NUDT5: variants seen among roughly 807,000 people sequenced by gnomAD.
NUDT5 encodes nudix hydrolase 5.
NUDT5 carries 21 observed loss-of-function variants against 34.1 expected under a neutral mutation model. The observed-to-expected ratio is 0.62, with a 90% CI of 0.44 to 0.89. NUDT5 has a LOEUF of 0.89. Among genes scored for constraint, NUDT5 ranks in the 40% least tolerant of loss-of-function variants. The pLI, the probability that NUDT5 is intolerant of heterozygous loss-of-function variation, is 0.00. For synonymous variants in NUDT5, 85 were observed against 97.6 expected (o/e 0.87, Z 0.76); for missense variants, 249 against 274.8 (o/e 0.91, Z 0.66).
rs1389762606 is a variant in NUDT5, at chr10:12,170,774, AACAG to A, written c.497-8_497-5del. On this transcript the variant is annotated splice_region_variant and splice_polypyrimidine_tract_variant and intron_variant, in intron 8 of 9. Coordinates refer to ENST00000491614, the MANE Select transcript of NUDT5 (RefSeq NM_014142.4). This position sits in a 1 kb window ranked among gnomAD's most constrained non-coding sequence, Gnocchi z 4.9. ...AAAGAAATGACTTCCACAAACTCTAAACAGACAAAGTGCAAGTGAAAACAAAGCT... is the reference window on the plus strand; with the variant it reads ...AAAGAAATGACTTCCACAAACTCTAAACAAAGTGCAAGTGAAAACAAAGCT... 1 of 1,614,144 alleles carries A rather than the reference AACAG, an allele frequency of 6.2e-7. No individual in the cohort carries two copies. Among genetic ancestry groups the A allele is most frequent in the East Asian group, 2.2e-5 (1 of 44,886 alleles).
chr10:12,193,467 C>G (rs1174668819), intron 1 of NUDT5, among the ~76,000 whole-genome samples: 1 of 152,158 alleles, frequency 6.6e-6, no homozygotes, highest in African/African-American at 2.4e-5. Context: ...TGACTACTGA[C>G]TTTTCAGCAT....
Position 12,187,042 on chromosome 10 carries a change from A to AT in NUDT5, c.-41-711dup, listed in dbSNP as rs1835141956. On this transcript the variant is annotated intron_variant, in intron 1 of 9. Coordinates refer to ENST00000491614, the MANE Select transcript of NUDT5 (RefSeq NM_014142.4). The surrounding 1 kb of genome is among the most constrained non-coding windows in gnomAD (Gnocchi z 5.4). The stretch of plus-strand genomic sequence containing the variant: ...CCATCTGTTACACCTAAACTTACTT[A>AT]TTTTTTGAGATGTAAGATCTCACTC... Among the ~76,000 whole-genome samples the AT allele has an allele frequency of 6.6e-6, 1 of 150,690 alleles. No homozygotes were observed. Among genetic ancestry groups the AT allele is most frequent in the African/African-American group, 2.4e-5 (1 of 40,994 alleles).
Position 12,187,564 on chromosome 10 carries a change from A to G in NUDT5, c.-41-1232T>C, listed in dbSNP as rs1327129343. 6.6e-6 allele frequency among the ~76,000 whole-genome samples: 1 copy of G among 152,198 alleles called. No homozygotes were observed. Among genetic ancestry groups the G allele is most frequent in the Non-Finnish European group, 1.5e-5 (1 of 68,036 alleles). On this transcript the variant is annotated intron_variant, in intron 1 of 9. Coordinates refer to ENST00000491614, the MANE Select transcript of NUDT5 (RefSeq NM_014142.4). The surrounding 1 kb of genome is among the most constrained non-coding windows in gnomAD (Gnocchi z 5.4). Reference sequence around the variant, plus strand: ...TGTTAATTCAGCTGTATATAGAATTATAGACCCAAAGCCAGTTGTCTATGA... The same window carrying G: ...TGTTAATTCAGCTGTATATAGAATTGTAGACCCAAAGCCAGTTGTCTATGA...
chr10:12,177,758 AT>A (rs1834978405), intron 5 of NUDT5, 34 bp downstream of exon 5: 10 of 1,471,886 alleles, frequency 6.8e-6, no homozygotes, highest in Non-Finnish European at 9.5e-6. Context: ...TCAGGCCAAC[AT>A]CCCTAAGAAG....
In NUDT5 at chr10:12,173,892, A is replaced by G; in HGVS notation, c.290-79T>C. The G allele has an allele frequency of 7.9e-6, 8 of 1,011,444 alleles. No homozygotes were observed. 62.7% of individuals were successfully genotyped at this position (1,011,444 alleles called of 1,614,324 possible). A position where few individuals can be genotyped will look rare whatever the true frequency, so the allele number is the denominator to read the frequency against. ...CCTCCTTTTTTTTTTTTTGAGATGG[A>G]GTCTCACTCTGTCGCCCAGGCTGGA... On this transcript the variant is annotated intron_variant, in intron 5 of 9. Transcript: ENST00000491614. This position sits in a 1 kb window ranked among gnomAD's most constrained non-coding sequence, Gnocchi z 4.7.
At position 12,170,296 on chromosome 10, in the gene NUDT5, G is replaced by A; in HGVS notation, c.550+421C>T. 8.8e-7 allele frequency: 1 copy of A among 1,134,934 alleles called. No individual in the cohort carries two copies. Among genetic ancestry groups the A allele is most frequent in the Non-Finnish European group, 1.3e-6 (1 of 766,988 alleles). 70.3% of individuals were successfully genotyped at this position (1,134,934 alleles called of 1,614,324 possible). ...GAAATACCTCAAGTATTTGTTGAAG[G>A]AGCATCATCAATTTCTCCTTGAACA... On this transcript the variant is annotated intron_variant, in intron 9 of 9. Coordinates refer to ENST00000491614, the MANE Select transcript of NUDT5 (RefSeq NM_014142.4). The surrounding 1 kb of genome is among the most constrained non-coding windows in gnomAD (Gnocchi z 4.9).
At position 12,170,672 on chromosome 10, in the gene NUDT5, CG is replaced by C. The variant is rs1564421844; in HGVS notation, c.550+44del. The C allele has an allele frequency of 6.3e-7, 1 of 1,577,800 alleles. No individual in the cohort carries two copies. On this transcript the variant is annotated intron_variant, in intron 9 of 9. Coordinates refer to ENST00000491614, the MANE Select transcript of NUDT5 (RefSeq NM_014142.4). This position sits in a 1 kb window ranked among gnomAD's most constrained non-coding sequence, Gnocchi z 4.9. ...AGTACCCAGTTTGCTGGGATGGGGA[CG>C]GGGAGAACTGGAGAAACTGGGTGGC...
At position 12,184,871 on chromosome 10, in the gene NUDT5, G is replaced by GAA. The variant is rs34162051; in HGVS notation, c.131+16_131+17dup. ...AACCCAAATAACGAACATTTTGTAA[G>GAA]AAAAAAAAAAAGTTTACCTAGTTTT... On this transcript the variant is annotated intron_variant, in intron 3 of 9. Transcript: ENST00000491614. The GAA allele has an allele frequency of 1.4e-4, 164 of 1,149,326 alleles. No homozygotes were observed. The highest frequency in any genetic ancestry group is 1.6e-4 in the Non-Finnish European group (132 of 837,822). The allele number at this position is 1,149,326 out of a possible 1,614,324, so 71.2% of individuals were successfully genotyped here.
Position 12,166,636 on chromosome 10 carries a change from G to T in NUDT5, c.*1066C>A. 2.2e-6 allele frequency: 1 copy of T among 445,838 alleles called. No homozygotes were observed. Among genetic ancestry groups the T allele is most frequent in the South Asian group, 1.6e-5 (1 of 60,736 alleles). 27.6% of individuals were successfully genotyped at this position (445,838 alleles called of 1,614,324 possible). On this transcript the variant is annotated 3_prime_UTR_variant, in exon 10 of 10. Transcript: ENST00000491614. ...ATGGTTCTCAGGGCCTGGCTTACCC[G>T]CTGGAGCCAGGCTAGAAACATGACT...
chr10:12,173,904 T>A lies in NUDT5; in HGVS notation c.290-91A>T. 1.1e-6 allele frequency: 1 copy of A among 936,730 alleles called. No homozygotes were observed. Among genetic ancestry groups the A allele is most frequent in the Middle Eastern group, 3.2e-4 (1 of 3,168 alleles). 58.0% of individuals were successfully genotyped at this position (936,730 alleles called of 1,614,324 possible). ...TTTTTTGAGATGGAGTCTCACTCTG[T>A]CGCCCAGGCTGGAGTGCAGTGGTGC... On this transcript the variant is annotated intron_variant, in intron 5 of 9. Transcript: ENST00000491614. The surrounding 1 kb of genome is among the most constrained non-coding windows in gnomAD (Gnocchi z 4.7).
chr10:12,172,756 C>T lies in NUDT5; in HGVS notation c.487+9G>A, dbSNP rs151316363. ...CACACCACCTTCATCACAGCCGACA[C>T]ACACATACCTGGCTTTGGCTTCGGC... On this transcript the variant is annotated intron_variant, in intron 7 of 9. Coordinates refer to ENST00000491614, the MANE Select transcript of NUDT5 (RefSeq NM_014142.4). 216 of 1,604,104 alleles carry T rather than the reference C, an allele frequency of 1.3e-4. No individual in the cohort carries two copies. The East Asian group carries it at 4.4e-3, about 33-fold the overall frequency.
At position 12,182,042 on chromosome 10, in the gene NUDT5, T is replaced by C. The variant is rs536014530; in HGVS notation, c.131+2847A>G. On this transcript the variant is annotated intron_variant, in intron 3 of 9. Transcript: ENST00000491614. This position sits in a 1 kb window ranked among gnomAD's most constrained non-coding sequence, Gnocchi z 4.3. ...AGCTACTCGAGTGGCTGAGATAGAA[T>C]TGCTAGAACCAGGGAGGTAGAGGTT... Among the ~76,000 whole-genome samples, 172 of 151,464 alleles carry C rather than the reference T, an allele frequency of 1.1e-3. No homozygotes were observed. Among genetic ancestry groups the C allele is most frequent in the African/African-American group, 4.2e-3 (172 of 41,238 alleles).
chr10:12,167,906 GT>G, intron 9 of NUDT5, 95 bp from the exon 10 acceptor site: 3 of 1,550,218 alleles, frequency 1.9e-6, no homozygotes, highest in Non-Finnish European at 2.6e-6. Flanking sequence ...ACTACTATAT[GT>G]CACTTCCTAT....
In NUDT5 at chr10:12,173,753, G is replaced by A; in HGVS notation, c.350C>T (p.Thr117Ile). 6.2e-7 allele frequency: 1 copy of A among 1,614,042 alleles called. No homozygotes were observed. The highest frequency in any genetic ancestry group is 8.5e-7 in the Non-Finnish European group (1 of 1,179,908). Residue 117 changes from threonine to isoleucine, a missense_variant, in exon 6 of 10, where the codon ACT (threonine) becomes ATT (isoleucine). Thr to Ile is a moderately conservative substitution (Grantham distance 89). Coordinates refer to ENST00000491614, the MANE Select transcript of NUDT5 (RefSeq NM_014142.4). This position sits in a 1 kb window ranked among gnomAD's most constrained non-coding sequence, Gnocchi z 4.7. ...AAALRELEEE[T>I]GYKGDIAECS... ...TTCGGCAATGTCCCCTTTGTAGCCAGTTTCTTCTTCAAGCTCCCGGAGAGC... is the reference window on the plus strand; with the variant it reads ...TTCGGCAATGTCCCCTTTGTAGCCAATTTCTTCTTCAAGCTCCCGGAGAGC...
chr10:12,184,522 C>G (rs778435787), intron 3 of NUDT5: 1 of 1,545,902 alleles, frequency 6.5e-7, no homozygotes, highest in Admixed American at 2.0e-5. Context: ...GTTGTTTTCT[C>G]TTTATTTCTT....
rs551483580 is a variant in NUDT5 at position 12,167,313 on chromosome 10, C to T, written c.*389G>A. 5.7e-6 allele frequency: 1 copy of T among 174,466 alleles called. No homozygotes were observed. 10.8% of individuals were successfully genotyped at this position (174,466 alleles called of 1,614,324 possible). On this transcript the variant is annotated 3_prime_UTR_variant, in exon 10 of 10. Coordinates refer to ENST00000491614, the MANE Select transcript of NUDT5 (RefSeq NM_014142.4). ...AACGGAGTACATGGTTATTTGCATA[C>T]CCAGCTTAGAATTTTATATTGGGGG... is the stretch of plus-strand genomic sequence containing the variant.
chr10:12,193,133 G>A (rs143441255), intron 1 of NUDT5, among the ~76,000 whole-genome samples: 42 of 152,276 alleles, frequency 2.8e-4, no homozygotes, highest in African/African-American at 4.3e-4. Flanking sequence ...GGTTACAGAC[G>A]TATAGTAACG....
chr10:12,186,066 C>T (rs1049490710), intron 2 of NUDT5, among the ~76,000 whole-genome samples, 163 bp downstream of exon 2: 4 of 152,140 alleles, frequency 2.6e-5, no homozygotes, highest in Admixed American at 2.6e-4. Flanking sequence ...ACTACTCCTC[C>T]CACACAAGAG....
intron 5 of NUDT5, among the ~76,000 whole-genome samples, 194 bp from the exon 6 acceptor site, chr10:12,174,007 C>G (rs145566011): frequency 1.3e-5 from 2 of 152,036 alleles, no homozygotes; most frequent in Non-Finnish European, 2.9e-5. Context: ...GCTGGGATTA[C>G]AGGCGCGTGC....
Sources: allele counts gnomAD v4.1 joint callset (sites outside exome capture counted in the v4.1 genomes callset), GRCh38; gene constraint gnomAD v4.1.1; non-coding constraint Gnocchi (gnomAD v3.1); transcripts MANE v1.5; gene names NCBI Gene and HGNC (gene_info 2026-07-23, HGNC 2026-07-21).